Variants in ABCG2 observed in about 807,000 individuals in gnomAD.
The protein encoded by ABCG2 is ATP binding cassette subfamily G member 2 (JR blood group), also known as broad substrate specificity ATP-binding cassette transporter ABCG2.
Under a neutral mutation model 73.5 loss-of-function variants are expected in ABCG2, and 80 were observed. The ratio of observed to expected loss-of-function variants is 1.09; its 90% CI spans 0.91 to 1.31. The LOEUF (loss-of-function observed/expected upper bound fraction) is 1.31, where lower values mean the gene tolerates loss of function less well. Among genes scored for constraint, ABCG2 ranks in the 50% most tolerant of loss-of-function variants. The probability of loss-of-function intolerance (pLI) is 0.00; values close to 1 mark genes in which losing one functional copy is unlikely to be tolerated. For synonymous variants in ABCG2, 269 were observed against 282.4 expected, an observed-to-expected ratio of 0.95 and a Z score of 0.48; for missense variants, 796 against 786.2, an observed-to-expected ratio of 1.01 and a Z score of -0.15.
At chr4:88,126,413 C>T (rs1473968574) in intron 5 of ABCG2, among the ~76,000 whole-genome samples, 3 of 152,204 alleles carry the variant, frequency 2.0e-5, no homozygotes, top group Non-Finnish European at 2.9e-5. Flanking sequence ...GGAACTTCTC[C>T]CTAACTCATT....
chr4:88,169,267 A>C (rs1024717053), intron 1 of ABCG2, among the ~76,000 whole-genome samples: 2 of 152,016 alleles, frequency 1.3e-5, no homozygotes, highest in Non-Finnish European at 2.9e-5. Context: ...GCTGGTCTGG[A>C]ACTCCTGACC....
At chr4:88,170,622 C>T (rs1727721340) in intron 1 of ABCG2, among the ~76,000 whole-genome samples, 1 of 152,226 alleles carries the variant, frequency 6.6e-6, no homozygotes, top group Admixed American at 6.5e-5. Flanking sequence ...CATTCAAAGC[C>T]CCTCTTCTGA....
chr4:88,111,230 TA>T (rs5860118), intron 9 of ABCG2, among the ~76,000 whole-genome samples: 42,630 of 152,150 alleles, frequency 0.28, 6,976 homozygotes, highest in Admixed American at 0.35. Flanking sequence ...TACATCACAC[TA>T]AAAAAGCAAT....
intron 1 of ABCG2, among the ~76,000 whole-genome samples, chr4:88,218,375 G>C (rs1349681019): frequency 6.6e-6 from 1 of 152,188 alleles, no homozygotes; most frequent in Non-Finnish European, 1.5e-5. Context: ...TTCATTCACT[G>C]TTCTATCCCT....
intron 1 of ABCG2, among the ~76,000 whole-genome samples, chr4:88,191,999 C>T (rs939098462): frequency 1.3e-5 from 2 of 151,808 alleles, no homozygotes; most frequent in African/African-American, 4.8e-5. Context: ...GGCAAAATCC[C>T]GTCTCTATTA....
chr4:88,147,824 T>C (rs1726157127), intron 1 of ABCG2, among the ~76,000 whole-genome samples: 1 of 152,190 alleles, frequency 6.6e-6, no homozygotes, highest in South Asian at 2.1e-4. Context: ...CAGAATAGAC[T>C]GAGCATGAAA....
intron 11 of ABCG2, 49 bp downstream of exon 11, chr4:88,101,181 T>A: frequency 6.5e-7 from 1 of 1,531,756 alleles, no homozygotes; most frequent in South Asian, 1.1e-5. Flanking sequence ...GTCTAACCAA[T>A]AGCCCCTGCT....
At chr4:88,160,167 G>A (rs1727228885), upstream of ABCG2, among the ~76,000 whole-genome samples, 1 of 151,662 alleles carries the variant, frequency 6.6e-6, no homozygotes, top group African/African-American at 2.4e-5. Context: ...CTTGAACACA[G>A]GAGGCAGAGG....
At chr4:88,172,416 A>G (rs1030981755) in intron 1 of ABCG2, among the ~76,000 whole-genome samples, 14 of 151,984 alleles carry the variant, frequency 9.2e-5, no homozygotes, top group Non-Finnish European at 1.5e-4. Flanking sequence ...CGTCTCTACT[A>G]AAAATACAAA....
At position 88,098,645 on chromosome 4, in the gene ABCG2, G is replaced by GAGATAGATAGATAGATAGAT. The variant is rs55760486; in HGVS notation, c.1492+659_1492+678dup. On this transcript the variant is annotated intron_variant, in intron 12 of 15. Coordinates refer to ENST00000237612, the MANE Select transcript of ABCG2 (RefSeq NM_004827.3). ...ATACATATATAGAGAGAGACAGGGA[G>GAGATAGATAGATAGATAGAT]AGATAGATAGATAGATAGATAGATA... 4.5e-3 allele frequency among the ~76,000 whole-genome samples: 654 copies of GAGATAGATAGATAGATAGAT among 143,898 alleles called. 7 individuals are homozygous for GAGATAGATAGATAGATAGAT. Among genetic ancestry groups the GAGATAGATAGATAGATAGAT allele is most frequent in the East Asian group, 5.5e-3 (27 of 4,904 alleles). The allele number at this position is 143,898 out of a possible 152,430, so 94.4% of individuals were successfully genotyped here. A position where few individuals can be genotyped will look rare whatever the true frequency, so the allele number is the denominator to read the frequency against.
At chr4:88,107,163 T>C (rs1227862313) in intron 10 of ABCG2, 21 bp downstream of exon 10, 4 of 1,558,838 alleles carry the variant, frequency 2.6e-6, no homozygotes, top group Non-Finnish European at 3.5e-6. Context: ...TTTCTGAAAA[T>C]CAAGATCCAA....
rs1345387334 is a variant in ABCG2 at position 88,091,621 on chromosome 4, C to G, written c.*613G>C. On this transcript the variant is annotated 3_prime_UTR_variant, in exon 16 of 16. Transcript: ENST00000237612. ...ATTACTGGACTCCTGGCCCTCTACT[C>G]TACCCACAGTTCCAAACCCTCAGCC... 6.6e-6 allele frequency: 1 copy of G among 152,234 alleles called. No individual in the cohort carries two copies. Among genetic ancestry groups the G allele is most frequent in the African/African-American group, 2.4e-5 (1 of 41,440 alleles). 9.4% of individuals were successfully genotyped at this position (152,234 alleles called of 1,614,324 possible).
In ABCG2 at chr4:88,092,096, T is replaced by C. The variant is rs967768648; in HGVS notation, c.*138A>G. ...CAGTTTGTTGTGATTTCTAAAAATG[T>C]ATCTCTTTAAAACAATTGCTGCTGT... On this transcript the variant is annotated 3_prime_UTR_variant, in exon 16 of 16. Transcript: ENST00000237612. 62 of 760,182 alleles carry C rather than the reference T, an allele frequency of 8.2e-5. No individual in the cohort carries two copies. The African/African-American group carries it at 9.5e-4, about 12-fold the overall frequency. 47.1% of individuals were successfully genotyped at this position (760,182 alleles called of 1,614,324 possible).
intron 1 of ABCG2, among the ~76,000 whole-genome samples, chr4:88,214,913 A>G (rs1213540864): frequency 5.3e-5 from 8 of 151,634 alleles, no homozygotes; most frequent in Non-Finnish European, 4.4e-5. Flanking sequence ...GAGAGCCACA[A>G]TGTCTGGCCT....
At chr4:88,140,144 G>T (rs147505061) in intron 1 of ABCG2, 130 bp from the exon 2 acceptor site, 2 of 745,734 alleles carry the variant, frequency 2.7e-6, no homozygotes, top group African/African-American at 1.8e-5. Context: ...CCAATGAATG[G>T]CCCATACCAT....
intron 1 of ABCG2, among the ~76,000 whole-genome samples, chr4:88,168,791 AG>A (rs1727639901): frequency 6.6e-6 from 1 of 152,162 alleles, no homozygotes; most frequent in South Asian, 2.1e-4. Flanking sequence ...ATACCAAAAA[AG>A]TACAGGAAAT....
Position 88,101,332 on chromosome 4 carries a change from G to A in ABCG2, c.1278-13C>T. 6.2e-7 allele frequency: 1 copy of A among 1,612,460 alleles called. No individual in the cohort carries two copies. Among genetic ancestry groups the A allele is most frequent in the Non-Finnish European group, 8.5e-7 (1 of 1,178,614 alleles). The stretch of plus-strand genomic sequence containing the variant: ...GAGAACCCCAGCTCTGCCATGAAAA[G>A]GGGAACCAAATCACCGCAGTCAACT... On this transcript the variant is annotated splice_polypyrimidine_tract_variant and intron_variant, in intron 10 of 15. Transcript: ENST00000237612.
chr4:88,212,337 T>C (rs114417633), intron 1 of ABCG2, among the ~76,000 whole-genome samples: 91 of 152,280 alleles, frequency 6.0e-4, no homozygotes, highest in African/African-American at 2.1e-3. Context: ...TCTTCAGATT[T>C]CAGAAGCATC....
chr4:88,094,448 G>T, intron 15 of ABCG2, 129 bp downstream of exon 15: 1 of 701,440 alleles, frequency 1.4e-6, no homozygotes, highest in Non-Finnish European at 2.4e-6. Flanking sequence ...TCACTTTATG[G>T]ATGAGAAAAC....
Sources: gnomAD v4.1 joint callset for allele counts (sites outside exome capture counted in the v4.1 genomes callset) on GRCh38, gnomAD v4.1.1 for gene constraint, MANE v1.5 for transcripts, NCBI Gene and HGNC (gene_info 2026-07-23, HGNC 2026-07-21) for gene names.